LOXL3: variants seen among roughly 807,000 people sequenced by gnomAD.
LOXL3 encodes the protein lysyl oxidase homolog 3.
In LOXL3, 60 loss-of-function variants were observed where a neutral mutation model predicts 91.8. The observed-to-expected ratio is 0.65, with a 90% CI of 0.53 to 0.81. LOXL3 has a LOEUF of 0.81. LOXL3 is among the 30% of genes least tolerant of loss of function. The pLI is 0.00. For missense variants in LOXL3, 874 were observed against 1,000.4 expected (o/e 0.87, Z 1.70); for synonymous variants, 355 against 387.6 (o/e 0.92, Z 0.99).
chr2:74,541,212 C>T (rs933175629), intron 4 of LOXL3, among the ~76,000 whole-genome samples: 1 of 152,106 alleles, frequency 6.6e-6, no homozygotes, highest in East Asian at 1.9e-4. Flanking sequence ...TTAAAGCATA[C>T]AGAGGATGTG....
chr2:74,550,007 T>A, intron 3 of LOXL3, 178 bp downstream of exon 3: 1 of 985,434 alleles, frequency 1.0e-6, no homozygotes, highest in Non-Finnish European at 1.2e-6. Flanking sequence ...TGAATGTGAA[T>A]GCTAAAAACC....
At position 74,535,344 on chromosome 2, in the gene LOXL3, G is replaced by A; in HGVS notation, c.1527C>T (p.Ile509=). The A allele has an allele frequency of 6.2e-7, 1 of 1,614,082 alleles. No homozygotes were observed. Among genetic ancestry groups the A allele is most frequent in the South Asian group, 1.1e-5 (1 of 91,090 alleles). The change falls in exon 9 of 14, where the codon ATC becomes ATT. Residue 509 remains isoleucine, a synonymous_variant. Transcript: ENST00000264094. The surrounding 1 kb of genome is among the most constrained non-coding windows in gnomAD (Gnocchi z 4.2). The part of the protein sequence containing the change: ...LDQCAHHGTH[I]TCKRTGTRFT... The stretch of plus-strand genomic sequence containing the variant: ...AGCGGGTCCCTGTCCTCTTGCAGGT[G>A]ATGTGGGTGCCATGATGGGCACACT...
chr2:74,536,796 G>A lies in LOXL3; in HGVS notation c.825C>T (p.Gly275=). 1.9e-6 allele frequency: 3 copies of A among 1,613,066 alleles called. No individual in the cohort carries two copies. The highest frequency in any genetic ancestry group is 2.5e-6 in the Non-Finnish European group (3 of 1,179,336). The part of the protein sequence containing the change: ...ANDTARCPGG[G]PAVVSCVPGP... ...CTGGCACACAGCTCACCACTGCAGGGCCCCCCCCAGGGCACCTGGCGGTGT... is the reference window on the plus strand; with the variant it reads ...CTGGCACACAGCTCACCACTGCAGGACCCCCCCCAGGGCACCTGGCGGTGT... Residue 275 remains glycine, a synonymous_variant, in exon 5 of 14, where the codon GGC becomes GGT. Transcript: ENST00000264094. The surrounding 1 kb of genome is among the most constrained non-coding windows in gnomAD (Gnocchi z 4.5).
At chr2:74,554,549 T>G (rs1023503334), upstream of LOXL3, 1 of 571,884 alleles carries the variant, frequency 1.7e-6, no homozygotes, top group South Asian at 2.2e-5. This position sits in a 1 kb window ranked among gnomAD's most constrained non-coding sequence, Gnocchi z 4.9. Context: ...CGACGGCGGG[T>G]AGGGGCCTGG....
chr2:74,554,410 G>GATCATTAAAAA, upstream of LOXL3: 1 of 314,564 alleles, frequency 3.2e-6, no homozygotes, highest in Non-Finnish European at 5.9e-6. The surrounding 1 kb of genome is among the most constrained non-coding windows in gnomAD (Gnocchi z 4.9). Flanking sequence ...GGCGCTTTCG[G>GATCATTAAAAA]GGTGATGTCA....
Position 74,532,559 on chromosome 2 carries a change from G to A in LOXL3, c.*1047C>T. On this transcript the variant is annotated 3_prime_UTR_variant, in exon 14 of 14. Coordinates refer to ENST00000264094, the MANE Select transcript of LOXL3 (RefSeq NM_032603.5). ...AATGTGTTGATGAGAGACTTGAGGT[G>A]GAACTCAGGATGGGGAGAATGCCTG... is the stretch of plus-strand genomic sequence containing the variant. 1 of 1,313,132 alleles carries A rather than the reference G, an allele frequency of 7.6e-7. No individual in the cohort carries two copies. Among genetic ancestry groups the A allele is most frequent in the Non-Finnish European group, 1.1e-6 (1 of 913,010 alleles). The allele number at this position is 1,313,132 out of a possible 1,614,324, so 81.3% of individuals were successfully genotyped here.
chr2:74,549,514 G>T lies in LOXL3; in HGVS notation c.547C>A (p.Pro183Thr), dbSNP rs1024273215. ...PAVGWGRRPLPVTEGLVEVRL... is the reference protein window; with the variant it reads ...PAVGWGRRPLTVTEGLVEVRL... ...ACTTCCACCAGCCCCTCCGTCACGG[G>T]CAGGGGTCGTCTGCCCCACCCAACG... The change falls in exon 4 of 14, where the codon CCC becomes ACC. Residue 183 changes from proline (P) to threonine (T), a missense_variant. By Grantham distance (38) the Pro-to-Thr change is conservative. Coordinates refer to ENST00000264094, the MANE Select transcript of LOXL3 (RefSeq NM_032603.5). This position sits in a 1 kb window ranked among gnomAD's most constrained non-coding sequence, Gnocchi z 5.3. 1.3e-5 allele frequency: 21 copies of T among 1,613,510 alleles called. No homozygotes were observed. In the Admixed American group the frequency reaches 3.2e-4, roughly 24 times the overall value.
rs772974946 is a variant in LOXL3, at chr2:74,536,742, C to T, written c.879G>A (p.Gln293=). The T allele has an allele frequency of 6.2e-7, 1 of 1,614,234 alleles. No homozygotes were observed. The highest frequency in any genetic ancestry group is 1.7e-5 in the Admixed American group (1 of 60,032). ...GAGGCTTCGACTGTTGTTGCTTCTTCTGGCCACTGGATGCCGCGTAGACAG... is the reference window on the plus strand; with the variant it reads ...GAGGCTTCGACTGTTGTTGCTTCTTTTGGCCACTGGATGCCGCGTAGACAG... The part of the protein sequence containing the change: ...PGPVYAASSG[Q]KKQQQSKPQG... Residue 293 remains glutamine (Q), a synonymous_variant, in exon 5 of 14, where the codon CAG becomes CAA. Transcript: ENST00000264094. The surrounding 1 kb of genome is among the most constrained non-coding windows in gnomAD (Gnocchi z 4.5).
chr2:74,536,764 A>T lies in LOXL3; in HGVS notation c.857T>A (p.Val286Asp). Residue 286 changes from valine (V) to aspartate (D), a missense_variant, in exon 5 of 14, where the codon GTC becomes GAC. Physicochemically the swap from Val to Asp is radical, Grantham distance 152. Transcript: ENST00000264094. This position sits in a 1 kb window ranked among gnomAD's most constrained non-coding sequence, Gnocchi z 4.5. ...PAVVSCVPGP[V>D]YAASSGQKKQ... ...CTTCTGGCCACTGGATGCCGCGTAG[A>T]CAGGGCCTGGCACACAGCTCACCAC... The T allele has an allele frequency of 6.2e-7, 1 of 1,614,158 alleles. No individual in the cohort carries two copies. The highest frequency in any genetic ancestry group is 1.1e-5 in the South Asian group (1 of 91,084).
chr2:74,532,437 C>T lies in LOXL3; in HGVS notation c.*1169G>A, dbSNP rs1675678851. On this transcript the variant is annotated 3_prime_UTR_variant, in exon 14 of 14. Coordinates refer to ENST00000264094, the MANE Select transcript of LOXL3 (RefSeq NM_032603.5). ...TTTGGTGCCCTCATGTGGTGTACAT[C>T]TTTTATGTACATGTTGCACTTTATT... 1 of 654,210 alleles carries T rather than the reference C, an allele frequency of 1.5e-6. No individual in the cohort carries two copies. Among genetic ancestry groups the T allele is most frequent in the Admixed American group, 2.1e-5 (1 of 48,112 alleles). The allele number at this position is 654,210 out of a possible 1,614,324, so 40.5% of individuals were successfully genotyped here.
chr2:74,544,284 A>AG (rs143136696), intron 4 of LOXL3, among the ~76,000 whole-genome samples: 13,806 of 152,186 alleles, frequency 0.091, 1,347 homozygotes, highest in African/African-American at 0.24. Flanking sequence ...CCTGGGCAAC[A>AG]AGCCAGACTC....
chr2:74,551,481 C>T (rs566977814), intron 2 of LOXL3, among the ~76,000 whole-genome samples: 58 of 152,252 alleles, frequency 3.8e-4, no homozygotes, highest in Non-Finnish European at 7.2e-4. Context: ...TTCAGCCACA[C>T]GACTGTCCTT....
In LOXL3 at chr2:74,535,671, T is replaced by G; in HGVS notation, c.1333A>C (p.Ile445Leu). Residue 445 changes from isoleucine (I) to leucine (L), a missense_variant, in exon 8 of 14, where the codon ATC becomes CTC. Physicochemically the swap from Ile to Leu is conservative, Grantham distance 5. Coordinates refer to ENST00000264094, the MANE Select transcript of LOXL3 (RefSeq NM_032603.5). This position sits in a 1 kb window ranked among gnomAD's most constrained non-coding sequence, Gnocchi z 4.2. Reference sequence around the variant, plus strand: ...AGGGTCCCCCAGTCATCCCCACAGATGAGGCCCCAGCGAAGGGGCCCAGGT... The same window carrying G: ...AGGGTCCCCCAGTCATCCCCACAGAGGAGGCCCCAGCGAAGGGGCCCAGGT... ...GGPGPLRWGL[I>L]CGDDWGTLEA... 1 of 1,612,900 alleles carries G rather than the reference T, an allele frequency of 6.2e-7. No homozygotes were observed. The highest frequency in any genetic ancestry group is 8.5e-7 in the Non-Finnish European group (1 of 1,179,738).
rs932569094 is a variant in LOXL3, at chr2:74,550,110, T to C, written c.477+75A>G. 9 of 1,519,072 alleles carry C rather than the reference T, an allele frequency of 5.9e-6. No homozygotes were observed. In the African/African-American group the frequency reaches 1.2e-4, roughly 21 times the overall value. The allele number at this position is 1,519,072 out of a possible 1,614,324, so 94.1% of individuals were successfully genotyped here. On this transcript the variant is annotated intron_variant, in intron 3 of 13. Coordinates refer to ENST00000264094, the MANE Select transcript of LOXL3 (RefSeq NM_032603.5). The stretch of plus-strand genomic sequence containing the variant: ...TCCCCCAGGGGTAACTACCTTCTAA[T>C]GTCTCCGCTAACCACCCCACAGTAC...
At position 74,535,804 on chromosome 2, in the gene LOXL3, A is replaced by C. The variant is rs771040421; in HGVS notation, c.1249-49T>G. On this transcript the variant is annotated intron_variant, in intron 7 of 13. Transcript: ENST00000264094. This position sits in a 1 kb window ranked among gnomAD's most constrained non-coding sequence, Gnocchi z 4.2. ...GCTGGAGAAAGCTTTGGGGTGAGGT[A>C]GTGGGAGTCTCTAACAGATGTGGCT... 6.6e-7 allele frequency: 1 copy of C among 1,522,422 alleles called. No homozygotes were observed. The highest frequency in any genetic ancestry group is 1.3e-5 in the South Asian group (1 of 75,848). 94.3% of individuals were successfully genotyped at this position (1,522,422 alleles called of 1,614,324 possible). A position where few individuals can be genotyped will look rare whatever the true frequency, so the allele number is the denominator to read the frequency against.
upstream of LOXL3, chr2:74,554,747 C>G: frequency 1.2e-6 from 2 of 1,611,542 alleles, no homozygotes; most frequent in South Asian, 1.1e-5. The surrounding 1 kb of genome is among the most constrained non-coding windows in gnomAD (Gnocchi z 4.9). Context: ...AAGGAACCGC[C>G]GGGGGCCATG....
Position 74,533,054 on chromosome 2 carries a change from G to A in LOXL3, c.*552C>T. The A allele has an allele frequency of 6.7e-7, 1 of 1,501,912 alleles. No individual in the cohort carries two copies. Among genetic ancestry groups the A allele is most frequent in the Non-Finnish European group, 9.2e-7 (1 of 1,086,072 alleles). 93.0% of individuals were successfully genotyped at this position (1,501,912 alleles called of 1,614,324 possible). ...TGCCTTTCTGGCTGAGGTTCTGAGG[G>A]CACCGAGACAGAGGGTTAAATGAAC... On this transcript the variant is annotated 3_prime_UTR_variant, in exon 14 of 14. Transcript: ENST00000264094.
chr2:74,533,734 A>T, intron 13 of LOXL3, 55 bp from the exon 14 acceptor site: 3 of 1,552,786 alleles, frequency 1.9e-6, no homozygotes, highest in Non-Finnish European at 2.7e-6. Flanking sequence ...AGGGAGATAG[A>T]TGCACTGTGG....
chr2:74,537,526 G>A (rs1676098448), intron 4 of LOXL3, among the ~76,000 whole-genome samples: 1 of 152,188 alleles, frequency 6.6e-6, no homozygotes, highest in African/African-American at 2.4e-5. Context: ...ACTGGGACTG[G>A]CATATGCAAG....
Sources: gnomAD v4.1 joint callset for allele counts (sites outside exome capture counted in the v4.1 genomes callset) on GRCh38, gnomAD v4.1.1 for gene constraint, Gnocchi (gnomAD v3.1) non-coding constraint, MANE v1.5 for transcripts, NCBI Gene and HGNC (gene_info 2026-07-23, HGNC 2026-07-21) for gene names.